The following LNX1 variants were observed in gnomAD, a reference collection of about 807,000 sequenced individuals.
LNX1 encodes E3 ubiquitin-protein ligase LNX.
A neutral mutation model predicts 68.4 loss-of-function variants in LNX1; 54 were observed. The observed-to-expected ratio is 0.79, with a 90% CI of 0.63 to 0.99. LNX1 has a LOEUF of 0.99. LNX1 is among the 50% of genes least tolerant of loss of function. LNX1 has a pLI of 0.00. For synonymous variants in LNX1, 336 were observed against 350.0 expected (o/e 0.96, Z 0.45); for missense variants, 906 against 926.4 (o/e 0.98, Z 0.29).
At chr4:53,551,650 A>AC (rs1003388910) in intron 2 of LNX1, among the ~76,000 whole-genome samples, 18 of 152,098 alleles carry the variant, frequency 1.2e-4, no homozygotes, top group African/African-American at 4.3e-4. Flanking sequence ...AAGAGATGCA[A>AC]CCCCCCTGGA....
intron 2 of LNX1, among the ~76,000 whole-genome samples, chr4:53,510,046 G>A (rs566611267): frequency 8.5e-5 from 13 of 152,310 alleles, no homozygotes; most frequent in Non-Finnish European, 1.8e-4. Context: ...ACAATTCTGT[G>A]TTTTCTTGCA....
At chr4:53,539,522 T>C (rs1728608185) in intron 2 of LNX1, among the ~76,000 whole-genome samples, 1 of 152,220 alleles carries the variant, frequency 6.6e-6, no homozygotes, top group Non-Finnish European at 1.5e-5. Flanking sequence ...TGTGCCACCA[T>C]GCCCAGCTAA....
chr4:53,584,171 T>A (rs1199514982), intron 1 of LNX1, among the ~76,000 whole-genome samples: 2 of 152,182 alleles, frequency 1.3e-5, no homozygotes, highest in South Asian at 2.1e-4. Flanking sequence ...TTGTTTTTTT[T>A]AAAACAGATA....
At chr4:53,651,813 G>C (rs1202968347) in intron 1 of LNX1, among the ~76,000 whole-genome samples, 1 of 152,168 alleles carries the variant, frequency 6.6e-6, no homozygotes, top group Non-Finnish European at 1.5e-5. Flanking sequence ...CATAAACCCA[G>C]TTACTGTTAG....
At chr4:53,513,363 GA>G (rs1482028124) in intron 2 of LNX1, among the ~76,000 whole-genome samples, 1 of 152,164 alleles carries the variant, frequency 6.6e-6, no homozygotes, top group Non-Finnish European at 1.5e-5. Context: ...GTAGAAGGGA[GA>G]AATGCCTTGT....
chr4:53,482,713 G>A (rs145739859), intron 6 of LNX1, among the ~76,000 whole-genome samples: 2 of 152,292 alleles, frequency 1.3e-5, no homozygotes, highest in East Asian at 3.9e-4. Flanking sequence ...AGGGGAGGGT[G>A]AGTGGGGTGA....
chr4:53,620,738 G>A (rs749313521), upstream of LNX1, among the ~76,000 whole-genome samples: 5 of 152,162 alleles, frequency 3.3e-5, no homozygotes, highest in East Asian at 9.6e-4. Context: ...TATATTAAAT[G>A]TATGAAGGAA....
chr4:53,617,501 C>T (rs1733723844), exon 1 of LNX1: 1 of 152,178 alleles, frequency 6.6e-6, no homozygotes, highest in Non-Finnish European at 1.5e-5. Context: ...CTTGAATGTG[C>T]AGCCATAAAA....
intron 1 of LNX1, among the ~76,000 whole-genome samples, chr4:53,577,190 A>T (rs1172461577): frequency 1.3e-5 from 2 of 152,216 alleles, no homozygotes; most frequent in African/African-American, 4.8e-5. Context: ...GTTGAAAAAC[A>T]AACATGAAAA....
chr4:53,599,204 C>T (rs1270872332), intron 2 of LNX1, among the ~76,000 whole-genome samples: 8 of 152,122 alleles, frequency 5.3e-5, no homozygotes, highest in Admixed American at 5.2e-4. Context: ...CATTCTAAGT[C>T]ACAGGATGAG....
chr4:53,461,302 G>T, intron 10 of LNX1, 133 bp downstream of exon 10: 1 of 758,806 alleles, frequency 1.3e-6, no homozygotes, highest in Non-Finnish European at 2.1e-6. Flanking sequence ...TTTCTCAGAA[G>T]TTGAATGCTA....
chr4:53,541,309 T>G (rs184320116), intron 2 of LNX1, among the ~76,000 whole-genome samples: 1 of 152,238 alleles, frequency 6.6e-6, no homozygotes, highest in African/African-American at 2.4e-5. Flanking sequence ...TACACTGACT[T>G]GGCAAGATCA....
At chr4:53,528,943 C>G (rs1049540141) in intron 2 of LNX1, among the ~76,000 whole-genome samples, 5 of 151,740 alleles carry the variant, frequency 3.3e-5, no homozygotes, top group African/African-American at 1.2e-4. Flanking sequence ...AAGAGGCTAC[C>G]CATAAAAAAA....
At chr4:53,557,555 C>T (rs1336066001) in intron 2 of LNX1, among the ~76,000 whole-genome samples, 2 of 151,660 alleles carry the variant, frequency 1.3e-5, no homozygotes, top group Non-Finnish European at 2.9e-5. Flanking sequence ...TTCTTAACTG[C>T]TCTTCAGTTC....
intron 6 of LNX1, among the ~76,000 whole-genome samples, chr4:53,485,237 G>A (rs1724206146): frequency 6.6e-6 from 1 of 152,166 alleles, no homozygotes; most frequent in Admixed American, 6.5e-5. Context: ...CCCAATTACT[G>A]AGCTCGAATT....
Position 53,526,497 on chromosome 4 carries a change from G to A in LNX1, c.381-18270C>T, listed in dbSNP as rs547297199. ...CCCAATGAAAACCCTTGGCCAAGCA[G>A]CTGGTAAAGATAAAGTAAGAACTAA... On this transcript the variant is annotated intron_variant, in intron 2 of 10. Coordinates refer to ENST00000263925, the MANE Select transcript of LNX1 (RefSeq NM_001126328.3). Among the ~76,000 whole-genome samples the A allele has an allele frequency of 2.7e-3, 415 of 152,070 alleles. 3 individuals carry two copies. The highest frequency in any genetic ancestry group is 9.6e-3 in the African/African-American group (399 of 41,498).
chr4:53,633,234 A>T (rs539772660), intron 1 of LNX1, among the ~76,000 whole-genome samples: 6 of 152,356 alleles, frequency 3.9e-5, no homozygotes, highest in African/African-American at 1.4e-4. Flanking sequence ...CCTATGGCAC[A>T]TAACAGGGAT....
chr4:53,525,113 A>G (rs1727516247), intron 2 of LNX1, among the ~76,000 whole-genome samples: 1 of 151,608 alleles, frequency 6.6e-6, no homozygotes, highest in South Asian at 2.1e-4. Flanking sequence ...CTCCTCTTTC[A>G]CTCTCATTTA....
At chr4:53,568,580 C>CGGGCACAAGACAGGGG (rs1553939204) in intron 2 of LNX1, among the ~76,000 whole-genome samples, 4 of 147,192 alleles carry the variant, frequency 2.7e-5, no homozygotes, top group East Asian at 4.0e-4. Context: ...CCTTTGAAAA[C>CGGGCACAAGACAGGGG]GGGCACAAGA....
Sources: allele counts gnomAD v4.1 joint callset (sites outside exome capture counted in the v4.1 genomes callset), GRCh38; gene constraint gnomAD v4.1.1; transcripts MANE v1.5; gene names NCBI Gene and HGNC (gene_info 2026-07-23, HGNC 2026-07-21).